RAB8B: variants seen among roughly 807,000 people sequenced by gnomAD.
RAB8B encodes RAB8B, member RAS oncogene family, also known as ras-related protein Rab-8B.
Under a neutral mutation model 32.0 loss-of-function variants are expected in RAB8B, and 11 were observed. The ratio of observed to expected loss-of-function variants is 0.34; its 90% CI spans 0.22 to 0.57. RAB8B has a LOEUF of 0.57. RAB8B is among the 20% of genes least tolerant of loss of function. RAB8B has a pLI of 0.86. For synonymous variants in RAB8B, 103 were observed against 89.6 expected, an observed-to-expected ratio of 1.15 and a Z score of -0.85; for missense variants, 190 against 258.5, an observed-to-expected ratio of 0.73 and a Z score of 1.82.
intron 1 of RAB8B, among the ~76,000 whole-genome samples, chr15:63,198,524 C>T (rs1207094891): frequency 6.6e-6 from 1 of 152,018 alleles, no homozygotes; most frequent in Non-Finnish European, 1.5e-5. Flanking sequence ...TGCAAAAGCT[C>T]AGTTAGGTAT....
At position 63,248,890 on chromosome 15, in the gene RAB8B, T is replaced by C. The variant is rs1344526487; in HGVS notation, c.186-755T>C. Among the ~76,000 whole-genome samples the C allele has an allele frequency of 1.3e-5, 2 of 152,206 alleles. No individual in the cohort carries two copies. The highest frequency in any genetic ancestry group is 2.9e-5 in the Non-Finnish European group (2 of 68,030). On this transcript the variant is annotated intron_variant, in intron 2 of 7. Transcript: ENST00000321437. This position sits in a 1 kb window ranked among gnomAD's most constrained non-coding sequence, Gnocchi z 4.4. ...TAGTTCTGGCTGGAAGTGGGAAATT[T>C]GAGAATATTGATTTTCTCAAGTATC...
chr15:63,262,704 C>T lies in RAB8B; in HGVS notation c.493C>T (p.Leu165Phe). 1 of 1,440,384 alleles carries T rather than the reference C, an allele frequency of 6.9e-7. No homozygotes were observed. The allele number at this position is 1,440,384 out of a possible 1,614,324, so 89.2% of individuals were successfully genotyped here. A position where few individuals can be genotyped will look rare whatever the true frequency, so the allele number is the denominator to read the frequency against. ...GTTTTACCTATAGGCATTTTTTACA[C>T]TTGCACGAGATATAATGACAAAACT... ...SANVEEAFFT[L>F]ARDIMTKLNR... The change falls in exon 7 of 8, where the codon CTT becomes TTT. Residue 165 changes from leucine to phenylalanine, a missense_variant. Around this residue, in one of 2 missense-constraint regions of RAB8B, gnomAD observed 110 missense variants for 115.9 expected, o/e 0.95. Coordinates refer to ENST00000321437, the MANE Select transcript of RAB8B (RefSeq NM_016530.3).
chr15:63,244,235 G>A (rs1595747013), intron 1 of RAB8B, among the ~76,000 whole-genome samples: 1 of 152,280 alleles, frequency 6.6e-6, no homozygotes, highest in East Asian at 1.9e-4. Context: ...ATTAAAATGT[G>A]TATAAAATAC....
chr15:63,261,906 C>T (rs960757068), intron 6 of RAB8B, among the ~76,000 whole-genome samples: 1 of 152,172 alleles, frequency 6.6e-6, no homozygotes, highest in Non-Finnish European at 1.5e-5. Flanking sequence ...TATCAAGAGA[C>T]ATTATGGATA....
At chr15:63,254,747 C>G (rs2038146212) in intron 3 of RAB8B, among the ~76,000 whole-genome samples, 1 of 151,982 alleles carries the variant, frequency 6.6e-6, no homozygotes, top group Non-Finnish European at 1.5e-5. Flanking sequence ...CCTGTCTGTA[C>G]TAAAAATACA....
In RAB8B at chr15:63,258,293, G is replaced by A. The variant is rs141239020; in HGVS notation, c.415-1334G>A. ...ATTTTTGTATTTTTAGTACAGACGG[G>A]GTTTCACCATGCTGGCCAGGCTGGT... On this transcript the variant is annotated intron_variant, in intron 5 of 7. Coordinates refer to ENST00000321437, the MANE Select transcript of RAB8B (RefSeq NM_016530.3). Among the ~76,000 whole-genome samples, 76 of 151,960 alleles carry A rather than the reference G, an allele frequency of 5.0e-4. No individual in the cohort carries two copies. In the East Asian group the frequency reaches 0.014, roughly 29 times the overall value.
intron 3 of RAB8B, among the ~76,000 whole-genome samples, chr15:63,254,073 G>T (rs1240395595): frequency 6.6e-6 from 1 of 152,200 alleles, no homozygotes; most frequent in Non-Finnish European, 1.5e-5. Context: ...TTAGATCTGT[G>T]CAGCCTTGCC....
intron 1 of RAB8B, among the ~76,000 whole-genome samples, chr15:63,202,729 T>C (rs2037663458): frequency 6.6e-6 from 1 of 152,216 alleles, no homozygotes; most frequent in Non-Finnish European, 1.5e-5. Flanking sequence ...AGCCTGTCCT[T>C]TTATTTGAAG....
At chr15:63,234,882 A>G (rs1214620599) in intron 1 of RAB8B, among the ~76,000 whole-genome samples, 2 of 152,168 alleles carry the variant, frequency 1.3e-5, no homozygotes, top group African/African-American at 4.8e-5. Flanking sequence ...CACTCCCAAC[A>G]GTGACCCAAA....
chr15:63,260,296 A>G (rs372647163), intron 6 of RAB8B, among the ~76,000 whole-genome samples: 5 of 152,364 alleles, frequency 3.3e-5, no homozygotes, highest in East Asian at 1.9e-4. Flanking sequence ...ACCAACCAGT[A>G]TCCTGTGCTC....
At position 63,259,225 on chromosome 15, in the gene RAB8B, T is replaced by C. The variant is rs1226343110; in HGVS notation, c.415-402T>C. On this transcript the variant is annotated intron_variant, in intron 5 of 7. Coordinates refer to ENST00000321437, the MANE Select transcript of RAB8B (RefSeq NM_016530.3). The surrounding 1 kb of genome is among the most constrained non-coding windows in gnomAD (Gnocchi z 4.4). ...ACCTCTGCCTCCTGGGTTCAAGCAA[T>C]TCTCCTGCCTCAGCCTCCCGGGTAG... 6.6e-6 allele frequency among the ~76,000 whole-genome samples: 1 copy of C among 152,132 alleles called. No individual in the cohort carries two copies. Among genetic ancestry groups the C allele is most frequent in the African/African-American group, 2.4e-5 (1 of 41,426 alleles).
At chr15:63,236,350 G>A (rs1259993270) in intron 1 of RAB8B, among the ~76,000 whole-genome samples, 4 of 152,062 alleles carry the variant, frequency 2.6e-5, no homozygotes. Context: ...ATATTAATAA[G>A]GAAAGTGGGA....
At chr15:63,239,149 T>G (rs1190251217) in intron 1 of RAB8B, among the ~76,000 whole-genome samples, 2 of 152,156 alleles carry the variant, frequency 1.3e-5, no homozygotes, top group African/African-American at 4.8e-5. Context: ...GTCAACAAAT[T>G]GCCTTAAGCT....
At chr15:63,218,336 C>T (rs2037811823) in intron 1 of RAB8B, among the ~76,000 whole-genome samples, 1 of 152,148 alleles carries the variant, frequency 6.6e-6, no homozygotes, top group Non-Finnish European at 1.5e-5. Flanking sequence ...CAGTGCCTGG[C>T]CTTAAGTGGG....
At chr15:63,225,691 C>G (rs1269822726) in intron 1 of RAB8B, among the ~76,000 whole-genome samples, 1 of 152,136 alleles carries the variant, frequency 6.6e-6, no homozygotes, top group Non-Finnish European at 1.5e-5. Flanking sequence ...GACTATTAGC[C>G]TAGGAGCTCC....
chr15:63,227,625 T>A (rs2037899877), intron 1 of RAB8B, among the ~76,000 whole-genome samples: 1 of 152,256 alleles, frequency 6.6e-6, no homozygotes, highest in Non-Finnish European at 1.5e-5. Flanking sequence ...ACATTCTGGC[T>A]CTGTCCACCC....
intron 1 of RAB8B, among the ~76,000 whole-genome samples, chr15:63,217,620 G>A (rs1297350458): frequency 6.6e-6 from 1 of 152,152 alleles, no homozygotes; most frequent in Admixed American, 6.5e-5. Flanking sequence ...GTTTCATTCA[G>A]CTATAAAATG....
At chr15:63,250,981 T>A (rs1417034258) in intron 3 of RAB8B, among the ~76,000 whole-genome samples, 4 of 151,824 alleles carry the variant, frequency 2.6e-5, no homozygotes, top group Non-Finnish European at 5.9e-5. Flanking sequence ...ACAGATCCCC[T>A]CACTGACATG....
chr15:63,259,361 C>T lies in RAB8B; in HGVS notation c.415-266C>T, dbSNP rs894880821. ...GTCTCGATCTCCTGACCTCGTGATCCGTCTGCCTCGGCCTCCCAAAGTGCG... is the reference window on the plus strand; with the variant it reads ...GTCTCGATCTCCTGACCTCGTGATCTGTCTGCCTCGGCCTCCCAAAGTGCG... On this transcript the variant is annotated intron_variant, in intron 5 of 7. Coordinates refer to ENST00000321437, the MANE Select transcript of RAB8B (RefSeq NM_016530.3). This position sits in a 1 kb window ranked among gnomAD's most constrained non-coding sequence, Gnocchi z 4.4. Among the ~76,000 whole-genome samples the T allele has an allele frequency of 6.6e-5, 10 of 152,098 alleles. No homozygotes were observed. Among genetic ancestry groups the T allele is most frequent in the South Asian group, 6.2e-4 (3 of 4,830 alleles).
Sources: allele counts gnomAD v4.1 joint callset (sites outside exome capture counted in the v4.1 genomes callset), GRCh38; gene constraint gnomAD v4.1.1; regional missense constraint gnomAD v4.1.1; non-coding constraint Gnocchi (gnomAD v3.1); transcripts MANE v1.5; gene names NCBI Gene and HGNC (gene_info 2026-07-23, HGNC 2026-07-21).